LIN28B: variants seen among roughly 807,000 people sequenced by gnomAD.
The protein encoded by LIN28B is protein lin-28 homolog B.
In LIN28B, 5 loss-of-function variants were observed where a neutral mutation model predicts 21.9. That is an observed-to-expected ratio of 0.23 (90% CI 0.12 to 0.48). The LOEUF (loss-of-function observed/expected upper bound fraction) is 0.48. Among genes scored for constraint, LIN28B ranks in the 20% least tolerant of loss-of-function variants. The pLI, the probability that LIN28B is intolerant of heterozygous loss-of-function variation, is 0.98. For synonymous variants in LIN28B, 109 were observed against 111.3 expected (o/e 0.98, Z 0.13); for missense variants, 245 against 310.5 (o/e 0.79, Z 1.58).
At chr6:104,960,084 T>G (rs1449778265) in intron 2 of LIN28B, among the ~76,000 whole-genome samples, 1 of 152,180 alleles carries the variant, frequency 6.6e-6, no homozygotes, top group African/African-American at 2.4e-5. Flanking sequence ...TATAGCTGTT[T>G]CTATACTATA....
At chr6:104,998,696 A>T (rs1770662503) in intron 2 of LIN28B, among the ~76,000 whole-genome samples, 1 of 152,168 alleles carries the variant, frequency 6.6e-6, no homozygotes, top group Non-Finnish European at 1.5e-5. Context: ...AATGATGGCC[A>T]TTTAATGAGT....
intron 2 of LIN28B, among the ~76,000 whole-genome samples, chr6:104,983,385 G>C (rs1464024026): frequency 1.3e-5 from 2 of 152,228 alleles, no homozygotes; most frequent in African/African-American, 4.8e-5. Flanking sequence ...AATGATAAAT[G>C]ATAGACATTC....
intron 2 of LIN28B, among the ~76,000 whole-genome samples, chr6:105,021,360 T>C (rs935202632): frequency 2.0e-5 from 3 of 152,230 alleles, no homozygotes; most frequent in African/African-American, 4.8e-5. Context: ...ATATATTGAT[T>C]TCTTTTCCTT....
In LIN28B at chr6:105,069,287, C is replaced by T. The variant is rs78032547; in HGVS notation, c.384-9127C>T. ...AGAGAAACGTTTGCAAGAGCATGTC[C>T]ATACTAAACAAATTTATATGCTGTT... On this transcript the variant is annotated intron_variant, in intron 3 of 3. Coordinates refer to ENST00000345080, the MANE Select transcript of LIN28B (RefSeq NM_001004317.4). 5.9e-3 allele frequency among the ~76,000 whole-genome samples: 903 copies of T among 152,212 alleles called. 6 individuals are homozygous for T. Among genetic ancestry groups the T allele is most frequent in the African/African-American group, 0.021 (880 of 41,530 alleles).
intron 3 of LIN28B, among the ~76,000 whole-genome samples, chr6:105,061,261 C>G (rs1243988835): frequency 6.6e-6 from 1 of 152,070 alleles, no homozygotes; most frequent in Admixed American, 6.5e-5. Flanking sequence ...CAGTGAACTA[C>G]ATACAGGAAG....
intron 2 of LIN28B, among the ~76,000 whole-genome samples, chr6:104,975,676 C>T (rs559071212): frequency 6.6e-6 from 1 of 151,186 alleles, no homozygotes; most frequent in South Asian, 2.1e-4. Context: ...GGACGCAAGA[C>T]CTTGTTCTGT....
chr6:105,044,489 A>G (rs1327211929), intron 3 of LIN28B, among the ~76,000 whole-genome samples: 3 of 152,176 alleles, frequency 2.0e-5, no homozygotes, highest in African/African-American at 7.2e-5. Context: ...TAGGAATTCA[A>G]ATTATTTTAT....
chr6:104,996,354 C>T (rs1302681365), intron 2 of LIN28B, among the ~76,000 whole-genome samples: 1 of 152,186 alleles, frequency 6.6e-6, no homozygotes, highest in African/African-American at 2.4e-5. Context: ...GTTTTTGTCT[C>T]TGTTCAGATA....
At chr6:105,056,255 G>T (rs572965121) in intron 3 of LIN28B, among the ~76,000 whole-genome samples, 1 of 100,662 alleles carries the variant, frequency 9.9e-6, no homozygotes, top group African/African-American at 2.7e-5. Context: ...CTTTTCATGC[G>T]TAGTAATTTT....
intron 3 of LIN28B, among the ~76,000 whole-genome samples, chr6:104,951,683 C>A (rs1223977071): frequency 2.6e-5 from 4 of 152,124 alleles, no homozygotes; most frequent in South Asian, 4.2e-4. Context: ...TAAAAAGGAT[C>A]GGAGGGGAAA....
intron 2 of LIN28B, among the ~76,000 whole-genome samples, chr6:104,975,499 TCTCTC>T (rs2114596921): frequency 6.6e-6 from 1 of 152,298 alleles, no homozygotes; most frequent in East Asian, 1.9e-4. Context: ...TGGTTTAACT[TCTCTC>T]TACCAAGCCT....
At chr6:105,024,267 C>T (rs913879947) in intron 2 of LIN28B, among the ~76,000 whole-genome samples, 4 of 152,118 alleles carry the variant, frequency 2.6e-5, no homozygotes, top group African/African-American at 9.7e-5. Context: ...GCTGGGATTA[C>T]AGGTGTGAGC....
chr6:105,008,586 G>A (rs1424149796), intron 2 of LIN28B, among the ~76,000 whole-genome samples: 1 of 151,306 alleles, frequency 6.6e-6, no homozygotes, highest in African/African-American at 2.4e-5. Context: ...GGAGTTTGCA[G>A]TGAGCCGAGA....
chr6:104,998,984 T>G (rs1770667469), intron 2 of LIN28B, among the ~76,000 whole-genome samples: 1 of 152,118 alleles, frequency 6.6e-6, no homozygotes, highest in Non-Finnish European at 1.5e-5. Flanking sequence ...ACAAAAGATT[T>G]AAAATCCTTG....
rs1772521557 is a variant in LIN28B at position 105,080,407 on chromosome 6, C to T, written c.*1624C>T. The stretch of plus-strand genomic sequence containing the variant: ...CTCAAATGAGACATATTCTGCTGAA[C>T]AGTTTCTACTTCCTCTCCCGCCTGT... On this transcript the variant is annotated 3_prime_UTR_variant, in exon 4 of 4. Transcript: ENST00000345080. The T allele has an allele frequency of 6.6e-6, 1 of 152,494 alleles. No homozygotes were observed. The highest frequency in any genetic ancestry group is 2.1e-4 in the South Asian group (1 of 4,828). The allele number at this position is 152,494 out of a possible 1,614,324, so 9.4% of individuals were successfully genotyped here. A position where few individuals can be genotyped will look rare whatever the true frequency, so the allele number is the denominator to read the frequency against.
chr6:104,997,776 G>T (rs985641518), intron 2 of LIN28B, among the ~76,000 whole-genome samples: 2 of 152,090 alleles, frequency 1.3e-5, no homozygotes, highest in East Asian at 3.9e-4. Flanking sequence ...ATTAGTCTTA[G>T]CACATTAGCT....
At chr6:104,974,091 T>C (rs1357841523) in intron 2 of LIN28B, among the ~76,000 whole-genome samples, 4 of 152,214 alleles carry the variant, frequency 2.6e-5, no homozygotes, top group Non-Finnish European at 4.4e-5. Context: ...TAAAATAGGC[T>C]AATAATGAAA....
chr6:105,078,661 A>G lies in LIN28B; in HGVS notation c.631A>G (p.Arg211Gly). The G allele has an allele frequency of 1.2e-6, 2 of 1,614,158 alleles. No homozygotes were observed. The highest frequency in any genetic ancestry group is 1.7e-6 in the Non-Finnish European group (2 of 1,180,026). Residue 211 changes from arginine to glycine, a missense_variant, in exon 4 of 4, where the codon AGG becomes GGG. Coordinates refer to ENST00000345080, the MANE Select transcript of LIN28B (RefSeq NM_001004317.4). The part of the protein sequence containing the change: ...CTSPPFPQEA[R>G]AEISERSGRS... Reference sequence around the variant, plus strand: ...ATCACCACCGTTTCCTCAGGAGGCTAGGGCAGAGATCTCAGAACGGTCAGG... The same window carrying G: ...ATCACCACCGTTTCCTCAGGAGGCTGGGGCAGAGATCTCAGAACGGTCAGG...
At chr6:104,970,709 G>T (rs894584265) in intron 2 of LIN28B, among the ~76,000 whole-genome samples, 1 of 152,038 alleles carries the variant, frequency 6.6e-6, no homozygotes, top group African/African-American at 2.4e-5. Flanking sequence ...AGAAAGTAGG[G>T]GTGGTGGTTG....
Sources: allele counts gnomAD v4.1 joint callset (sites outside exome capture counted in the v4.1 genomes callset), GRCh38; gene constraint gnomAD v4.1.1; transcripts MANE v1.5; gene names NCBI Gene and HGNC (gene_info 2026-07-23, HGNC 2026-07-21).